CELF5: variants seen among roughly 807,000 people sequenced by gnomAD.
The protein encoded by CELF5 is CUG-BP and ETR-3 like factor 5.
A neutral mutation model predicts 54.9 loss-of-function variants in CELF5; 6 were observed. That is an observed-to-expected ratio of 0.11 (90% confidence interval 0.06 to 0.22). The LOEUF (loss-of-function observed/expected upper bound fraction) is 0.22. CELF5 is among the 10% of genes least tolerant of loss of function. CELF5 has a pLI of 1.00. For missense variants in CELF5, 401 were observed against 678.6 expected, an observed-to-expected ratio of 0.59 and a Z score of 4.54; for synonymous variants, 271 against 290.9, an observed-to-expected ratio of 0.93 and a Z score of 0.70.
chr19:3,254,219 C>T (rs960743802), intron 2 of CELF5, among the ~76,000 whole-genome samples: 1 of 152,296 alleles, frequency 6.6e-6, no homozygotes, highest in African/African-American at 2.4e-5. Context: ...TCCTTCTCTC[C>T]ATGCCTACTC....
intron 2 of CELF5, among the ~76,000 whole-genome samples, chr19:3,264,884 T>C (rs1197687963): frequency 6.6e-6 from 1 of 152,040 alleles, no homozygotes; most frequent in Non-Finnish European, 1.5e-5. Flanking sequence ...CAGCTAATTT[T>C]TTGTATTTTT....
Position 3,242,331 on chromosome 19 carries a change from C to T in CELF5, c.260-8654C>T, listed in dbSNP as rs538428276. Among the ~76,000 whole-genome samples the T allele has an allele frequency of 2.0e-5, 3 of 151,622 alleles. No individual in the cohort carries two copies. In the East Asian group the frequency reaches 5.9e-4, roughly 30 times the overall value. ...GGCAGATTACTTGAGGTCAGGAGTTCAAGACTAGCCCGGCCAACATGGTGA... is the reference window on the plus strand; with the variant it reads ...GGCAGATTACTTGAGGTCAGGAGTTTAAGACTAGCCCGGCCAACATGGTGA... On this transcript the variant is annotated intron_variant, in intron 1 of 12. Coordinates refer to ENST00000292672, the MANE Select transcript of CELF5 (RefSeq NM_021938.4).
chr19:3,230,657 C>T (rs1917211035), intron 1 of CELF5, among the ~76,000 whole-genome samples: 2 of 152,184 alleles, frequency 1.3e-5, no homozygotes, highest in African/African-American at 4.8e-5. Flanking sequence ...GGAACTCAGG[C>T]AGACCTGCAT....
intron 2 of CELF5, among the ~76,000 whole-genome samples, chr19:3,255,294 C>T (rs1430181791): frequency 1.3e-5 from 2 of 152,204 alleles, no homozygotes; most frequent in African/African-American, 2.4e-5. Context: ...AAGTGATTCT[C>T]CTGCCTCAGC....
At position 3,293,618 on chromosome 19, in the gene CELF5, G is replaced by T. The variant is rs894904424; in HGVS notation, c.*40+132G>T. On this transcript the variant is annotated intron_variant, in intron 12 of 12. Transcript: ENST00000292672. ...TCAAGAGGCTACAAGAAACCTCCGGGTTGGGTTGGCGGGGACAGAGCTGGA... is the reference window on the plus strand; with the variant it reads ...TCAAGAGGCTACAAGAAACCTCCGGTTTGGGTTGGCGGGGACAGAGCTGGA... 5 of 788,248 alleles carry T rather than the reference G, an allele frequency of 6.3e-6. No homozygotes were observed. The African/African-American group carries it at 8.8e-5, about 14-fold the overall frequency. 48.8% of individuals were successfully genotyped at this position (788,248 alleles called of 1,614,324 possible).
At chr19:3,277,072 G>C (rs1431434506) in intron 4 of CELF5, among the ~76,000 whole-genome samples, 1 of 152,136 alleles carries the variant, frequency 6.6e-6, no homozygotes, top group Non-Finnish European at 1.5e-5. Flanking sequence ...GGTGTCTGGC[G>C]GTCTCTGTCC....
chr19:3,255,258 C>T (rs1217383293), intron 2 of CELF5, among the ~76,000 whole-genome samples: 1 of 152,152 alleles, frequency 6.6e-6, no homozygotes, highest in Non-Finnish European at 1.5e-5. Context: ...GATCTCAGCT[C>T]ACTGCAACTT....
chr19:3,255,251 C>A (rs561845920), intron 2 of CELF5, among the ~76,000 whole-genome samples: 1 of 152,272 alleles, frequency 6.6e-6, no homozygotes, highest in South Asian at 2.1e-4. Flanking sequence ...GTGGCTTGAT[C>A]TCAGCTCACT....
intron 1 of CELF5, among the ~76,000 whole-genome samples, chr19:3,249,668 T>A (rs1462767626): frequency 6.6e-6 from 1 of 152,170 alleles, no homozygotes; most frequent in African/African-American, 2.4e-5. Context: ...TGGTCCTGAT[T>A]TCTGCCACCA....
chr19:3,284,284 G>C (rs899495257), intron 8 of CELF5, among the ~76,000 whole-genome samples: 12 of 152,122 alleles, frequency 7.9e-5, no homozygotes, highest in Admixed American at 6.6e-4. Flanking sequence ...TGCCCACAAA[G>C]TGAACTCCTT....
rs376610607 is a variant in CELF5, at chr19:3,287,116, A to G, written c.1186+1091A>G. 1.1e-4 allele frequency among the ~76,000 whole-genome samples: 16 copies of G among 152,106 alleles called. No individual in the cohort carries two copies. In the East Asian group the frequency reaches 2.7e-3, roughly 26 times the overall value. ...CAAGTGTTCATCAGCAGGTAAATGG[A>G]TAAATAAATTAGGATGGAGCTGCAC... On this transcript the variant is annotated intron_variant, in intron 10 of 12. Coordinates refer to ENST00000292672, the MANE Select transcript of CELF5 (RefSeq NM_021938.4).
intron 5 of CELF5, among the ~76,000 whole-genome samples, chr19:3,280,367 T>G (rs2080128198): frequency 6.6e-6 from 1 of 151,568 alleles, no homozygotes; most frequent in South Asian, 2.1e-4. Flanking sequence ...GGTCAGGAGT[T>G]AGAGACCAGC....
At chr19:3,271,482 C>T (rs918529918) in intron 2 of CELF5, among the ~76,000 whole-genome samples, 20 of 151,910 alleles carry the variant, frequency 1.3e-4, no homozygotes, top group Admixed American at 3.9e-4. Context: ...TGCGGCTGGG[C>T]GGCAGGAAGG....
At chr19:3,225,025 T>TCCCCCTCC (rs2144946788) in intron 1 of CELF5, 27 bp downstream of exon 1, 2 of 956,716 alleles carry the variant, frequency 2.1e-6, no homozygotes, top group East Asian at 1.3e-4. Flanking sequence ...CTCCCCCCTC[T>TCCCCCTCC]CCCCCTCCCT....
intron 11 of CELF5, 95 bp downstream of exon 11, chr19:3,290,469 T>A: frequency 7.3e-7 from 1 of 1,368,760 alleles, no homozygotes; most frequent in Non-Finnish European, 1.0e-6. Context: ...GGGACAGGGC[T>A]GTGCTGAAAT....
Position 3,228,606 on chromosome 19 carries a change from C to T in CELF5, c.259+3608C>T, listed in dbSNP as rs895484633. The stretch of plus-strand genomic sequence containing the variant: ...TTAAAGCGGAGGTTGCGCTGGGGGA[C>T]GGTGCAGGTGGGGGGGGGGCCCGGC... On this transcript the variant is annotated intron_variant, in intron 1 of 12. Coordinates refer to ENST00000292672, the MANE Select transcript of CELF5 (RefSeq NM_021938.4). The surrounding 1 kb of genome is among the most constrained non-coding windows in gnomAD (Gnocchi z 6.0). Among the ~76,000 whole-genome samples the T allele has an allele frequency of 4.0e-5, 4 of 98,834 alleles. No homozygotes were observed. Among genetic ancestry groups the T allele is most frequent in the East Asian group, 6.1e-4 (2 of 3,254 alleles). The allele number at this position is 98,834 out of a possible 152,430, so 64.8% of individuals were successfully genotyped here.
At chr19:3,260,416 G>A (rs1046596883) in intron 2 of CELF5, among the ~76,000 whole-genome samples, 2 of 151,990 alleles carry the variant, frequency 1.3e-5, no homozygotes, top group Non-Finnish European at 2.9e-5. Flanking sequence ...GATTACAGGC[G>A]TAAGCCACCG....
rs1327575724 is a variant in CELF5 at position 3,268,189 on chromosome 19, C to A, written c.343-5683C>A. On this transcript the variant is annotated intron_variant, in intron 2 of 12. Transcript: ENST00000292672. The surrounding 1 kb of genome is among the most constrained non-coding windows in gnomAD (Gnocchi z 4.4). ...ACTTTTTGTATTTTTAGTAGAGATG[C>A]GGTTTTACCGTGTTGGCCAGGCTGG... is the stretch of plus-strand genomic sequence containing the variant. Among the ~76,000 whole-genome samples, 1 of 151,738 alleles carries A rather than the reference C, an allele frequency of 6.6e-6. No individual in the cohort carries two copies. The highest frequency in any genetic ancestry group is 1.5e-5 in the Non-Finnish European group (1 of 67,940).
rs559350556 is a variant in CELF5 at position 3,249,036 on chromosome 19, C to T, written c.260-1949C>T. ...TTTTTGGACCTGGGGTGGGTTCCCT[C>T]GGATTCCCTACCCCCTCCCCACCAC... On this transcript the variant is annotated intron_variant, in intron 1 of 12. Coordinates refer to ENST00000292672, the MANE Select transcript of CELF5 (RefSeq NM_021938.4). Among the ~76,000 whole-genome samples, 12 of 151,952 alleles carry T rather than the reference C, an allele frequency of 7.9e-5. No homozygotes were observed. The South Asian group carries it at 2.1e-3, about 26-fold the overall frequency.
Sources: allele counts gnomAD v4.1 joint callset (sites outside exome capture counted in the v4.1 genomes callset), GRCh38; gene constraint gnomAD v4.1.1; non-coding constraint Gnocchi (gnomAD v3.1); transcripts MANE v1.5; gene names NCBI Gene and HGNC (gene_info 2026-07-23, HGNC 2026-07-21).